Variants in TDRD12 observed in about 807,000 individuals in gnomAD.
TDRD12 encodes the protein putative ATP-dependent RNA helicase TDRD12.
TDRD12 carries 158 observed loss-of-function variants against 133.5 expected under a neutral mutation model. The observed-to-expected ratio is 1.18, with a 90% confidence interval of 1.04 to 1.35. TDRD12 has a LOEUF of 1.35. Ranked by LOEUF, TDRD12 falls within the 40% of genes most tolerant of loss-of-function variation. The pLI is 0.00. For synonymous variants in TDRD12, 460 were observed against 477.9 expected, an observed-to-expected ratio of 0.96 and a Z score of 0.49; for missense variants, 1,443 against 1,321.3, an observed-to-expected ratio of 1.09 and a Z score of -1.43.
chr19:32,765,158 T>G (rs1487421285), intron 8 of TDRD12, among the ~76,000 whole-genome samples: 1 of 152,182 alleles, frequency 6.6e-6, no homozygotes, highest in Admixed American at 6.5e-5. Context: ...TTGCTGGCCA[T>G]CAGAGAAATG....
chr19:32,757,536 A>C (rs946447034), intron 8 of TDRD12, among the ~76,000 whole-genome samples: 1 of 152,220 alleles, frequency 6.6e-6, no homozygotes, highest in African/African-American at 2.4e-5. Flanking sequence ...TATTTAATGA[A>C]TTGGAATTGC....
chr19:32,773,450 T>C lies in TDRD12; in HGVS notation c.964-6T>C, dbSNP rs777176298. ...ATTCTTTCTGAAGAAAAGTTTTCTT[T>C]TACAGCGTGTTGAATCCTCAGTGTA... On this transcript the variant is annotated splice_region_variant and splice_polypyrimidine_tract_variant and intron_variant, in intron 9 of 27. Coordinates refer to ENST00000444215, the Ensembl canonical transcript of TDRD12. 8 of 1,551,544 alleles carry C rather than the reference T, an allele frequency of 5.2e-6. No homozygotes were observed. The highest frequency in any genetic ancestry group is 2.0e-5 in the Admixed American group (1 of 50,976).
intron 19 of TDRD12, 44 bp from the exon 20 acceptor site, chr19:32,802,612 G>A (rs187846506): frequency 1.4e-5 from 22 of 1,521,384 alleles, no homozygotes; most frequent in African/African-American, 5.5e-5. Context: ...AAGTAAGTGC[G>A]GTAACTCCAG....
Position 32,793,185 on chromosome 19 carries a change from CAATAATAAT to C in TDRD12, c.1288-1424_1288-1416del, listed in dbSNP as rs36078920. Reference sequence around the variant, plus strand: ...TGGGCACAGAACGAGACTCTGTCTACAATAATAATAATAATAATAATAATAATTCTGATG... The same window carrying C: ...TGGGCACAGAACGAGACTCTGTCTACAATAATAATAATAATAATTCTGATG... On this transcript the variant is annotated intron_variant, in intron 13 of 27. Coordinates refer to ENST00000444215, the Ensembl canonical transcript of TDRD12. Among the ~76,000 whole-genome samples, 1,374 of 149,336 alleles carry C rather than the reference CAATAATAAT, an allele frequency of 9.2e-3. 17 individuals carry two copies. The highest frequency in any genetic ancestry group is 0.03 in the African/African-American group (1,232 of 40,434).
At chr19:32,747,744 C>T (rs1295631842) in intron 4 of TDRD12, among the ~76,000 whole-genome samples, 3 of 152,152 alleles carry the variant, frequency 2.0e-5, no homozygotes, top group Non-Finnish European at 2.9e-5. Flanking sequence ...TGCGTTAGCT[C>T]ACGCCTGTAA....
At chr19:32,751,574 T>G (rs970804991) in intron 6 of TDRD12, among the ~76,000 whole-genome samples, 2 of 149,538 alleles carry the variant, frequency 1.3e-5, no homozygotes, top group Non-Finnish European at 3.0e-5. Flanking sequence ...TCCCCTCTCC[T>G]TCCTTCCCCT....
chr19:32,829,036 T>C (rs1225478446), exon 10 of TDRD12: 1 of 152,342 alleles, frequency 6.6e-6, no homozygotes, highest in Non-Finnish European at 1.5e-5. Context: ...TCTTGGGAAG[T>C]AGAAAGTTCT....
At chr19:32,793,074 C>T (rs1363425078) in intron 13 of TDRD12, among the ~76,000 whole-genome samples, 1 of 152,028 alleles carries the variant, frequency 6.6e-6, no homozygotes, top group Non-Finnish European at 1.5e-5. Flanking sequence ...TAGTCCCAGT[C>T]GCTTGGTAGG....
chr19:32,767,258 A>G (rs1458028675), intron 8 of TDRD12, among the ~76,000 whole-genome samples: 1 of 151,724 alleles, frequency 6.6e-6, no homozygotes, highest in African/African-American at 2.4e-5. Flanking sequence ...CCTCCTGAGT[A>G]GCTGGGATTA....
intron 11 of TDRD12, among the ~76,000 whole-genome samples, chr19:32,782,346 T>C (rs1970794717): frequency 6.6e-6 from 1 of 152,232 alleles, no homozygotes; most frequent in African/African-American, 2.4e-5. Context: ...TGTGCCACAT[T>C]TTCTTAATCC....
chr19:32,781,990 A>G (rs1178623110), intron 11 of TDRD12, among the ~76,000 whole-genome samples: 1 of 151,442 alleles, frequency 6.6e-6, no homozygotes, highest in Non-Finnish European at 1.5e-5. Context: ...TATTATACTT[A>G]AAGTTCTGGG....
chr19:32,792,245 C>CAA (rs901551945), intron 13 of TDRD12, among the ~76,000 whole-genome samples: 7 of 136,164 alleles, frequency 5.1e-5, no homozygotes, highest in Non-Finnish European at 1.6e-5. Flanking sequence ...GACTCCGTCT[C>CAA]AAAAAAAAAA....
intron 8 of TDRD12, among the ~76,000 whole-genome samples, chr19:32,771,924 C>A (rs750572486): frequency 6.6e-6 from 1 of 152,082 alleles, no homozygotes; most frequent in Non-Finnish European, 1.5e-5. Context: ...AATTTGTGTT[C>A]CTTTTATTAA....
In TDRD12 at chr19:32,719,990, C is replaced by T. The variant is rs896788013; in HGVS notation, c.-83C>T. The T allele has an allele frequency of 1.3e-5, 20 of 1,500,928 alleles. No homozygotes were observed. In the East Asian group the frequency reaches 1.5e-4, roughly 11 times the overall value. 93.0% of individuals were successfully genotyped at this position (1,500,928 alleles called of 1,614,324 possible). A position where few individuals can be genotyped will look rare whatever the true frequency, so the allele number is the denominator to read the frequency against. On this transcript the variant is annotated 5_prime_UTR_variant, in exon 1 of 28. Coordinates refer to ENST00000444215, the Ensembl canonical transcript of TDRD12. ...AACGCACTCGCGGCGGGGGCCTGGCCGGGGCGGACGCAGCCAGCCTCACCC... is the reference window on the plus strand; with the variant it reads ...AACGCACTCGCGGCGGGGGCCTGGCTGGGGCGGACGCAGCCAGCCTCACCC...
At chr19:32,726,956 G>A (rs923394904) in intron 1 of TDRD12, among the ~76,000 whole-genome samples, 1 of 152,130 alleles carries the variant, frequency 6.6e-6, no homozygotes, top group African/African-American at 2.4e-5. Flanking sequence ...ACACCCAATA[G>A]TGGAATTGCT....
At chr19:32,722,937 C>T (rs562358592) in intron 1 of TDRD12, among the ~76,000 whole-genome samples, 2 of 152,246 alleles carry the variant, frequency 1.3e-5, no homozygotes, top group African/African-American at 2.4e-5. Context: ...TCCTCGGCCT[C>T]CCAAACTGCT....
intron 11 of TDRD12, among the ~76,000 whole-genome samples, chr19:32,779,338 C>G (rs1970696650): frequency 6.6e-6 from 1 of 152,172 alleles, no homozygotes; most frequent in Non-Finnish European, 1.5e-5. Flanking sequence ...GATGGAGTTG[C>G]TCAAGCCTGT....
chr19:32,749,809 A>T (rs766473942), exon 6 of TDRD12: 1 of 1,550,624 alleles, frequency 6.4e-7, no homozygotes, highest in African/African-American at 1.4e-5. Context: ...AAGCCAGATT[A>T]TGTGCTGTGG....
exon 1 of TDRD12, chr19:32,719,841 G>A: frequency 1.7e-6 from 1 of 586,980 alleles, no homozygotes; most frequent in Non-Finnish European, 3.0e-6. Flanking sequence ...GCAGCGAGGG[G>A]CTGGTTACTG....
Sources: gnomAD v4.1 joint callset for allele counts (sites outside exome capture counted in the v4.1 genomes callset) on GRCh38, gnomAD v4.1.1 for gene constraint, MANE v1.5 for transcripts, NCBI Gene and HGNC (gene_info 2026-07-23, HGNC 2026-07-21) for gene names.